SHOC2: variants seen among roughly 807,000 people sequenced by gnomAD.
SHOC2 encodes the protein SHOC2 leucine rich repeat scaffold protein, also known as leucine-rich repeat protein SHOC-2.
A neutral mutation model predicts 50.2 loss-of-function variants in SHOC2; 4 were observed. The ratio of observed to expected loss-of-function variants is 0.08; its 90% CI spans 0.04 to 0.18. The LOEUF is 0.18. Among genes scored for constraint, SHOC2 ranks in the 10% least tolerant of loss-of-function variants. The pLI is 1.00. For synonymous variants in SHOC2, 218 were observed against 244.5 expected (o/e 0.89, Z 1.01); for missense variants, 388 against 669.6 (o/e 0.58, Z 4.64).
At chr10:110,947,909 T>C (rs1262760477) in intron 1 of SHOC2, among the ~76,000 whole-genome samples, 1 of 152,168 alleles carries the variant, frequency 6.6e-6, no homozygotes. Context: ...ATGGATTAAG[T>C]TCTCTAATCA....
At chr10:110,921,767 G>A (rs1810149279) in intron 1 of SHOC2, among the ~76,000 whole-genome samples, 1 of 151,972 alleles carries the variant, frequency 6.6e-6, no homozygotes, top group African/African-American at 2.4e-5. Context: ...ATACTGGATC[G>A]TATTCATTCT....
At chr10:110,976,734 A>G (rs1847885149) in intron 2 of SHOC2, among the ~76,000 whole-genome samples, 1 of 152,172 alleles carries the variant, frequency 6.6e-6, no homozygotes, top group East Asian at 1.9e-4. Flanking sequence ...AGTTTTTGAC[A>G]AGAAGTCTGC....
chr10:110,976,722 C>G (rs1245361716), intron 2 of SHOC2, among the ~76,000 whole-genome samples: 1 of 152,120 alleles, frequency 6.6e-6, no homozygotes, highest in Non-Finnish European at 1.5e-5. Context: ...TATAGCTTGC[C>G]TAGTTTTTGA....
intron 6 of SHOC2, among the ~76,000 whole-genome samples, chr10:111,008,187 T>C (rs566392279): frequency 6.7e-6 from 1 of 148,820 alleles, no homozygotes; most frequent in Admixed American, 6.8e-5. Context: ...TCTTTTAGTA[T>C]GTTTTTCCAT....
At chr10:110,936,709 T>C (rs2134084327) in intron 1 of SHOC2, 1 of 931,018 alleles carries the variant, frequency 1.1e-6, no homozygotes, top group Non-Finnish European at 1.7e-6. Flanking sequence ...TCCGTAGGCT[T>C]ATGAGCTCTT....
At chr10:110,925,113 TA>T (rs1846740589) in intron 1 of SHOC2, among the ~76,000 whole-genome samples, 1 of 150,408 alleles carries the variant, frequency 6.6e-6, no homozygotes, top group Non-Finnish European at 1.5e-5. Context: ...AAGCAATACT[TA>T]AATGTCTTTT....
chr10:110,967,169 A>G lies in SHOC2; in HGVS notation c.703+2108A>G, dbSNP rs143629661. ...TATCTTATATCCTTACAGTAACCCA[A>G]TGAAATAGGTATTTTCCCCATGCTA... On this transcript the variant is annotated intron_variant, in intron 2 of 8. Coordinates refer to ENST00000369452, the MANE Select transcript of SHOC2 (RefSeq NM_007373.4). Among the ~76,000 whole-genome samples, 24 of 152,298 alleles carry G rather than the reference A, an allele frequency of 1.6e-4. No homozygotes were observed. In the East Asian group the frequency reaches 4.0e-3, roughly 26 times the overall value.
At chr10:110,937,037 G>C in intron 1 of SHOC2, 1 of 1,485,162 alleles carries the variant, frequency 6.7e-7, no homozygotes, top group Middle Eastern at 1.8e-4. Context: ...GCGTCGGAAA[G>C]GGTTGGTGTT....
At chr10:110,981,878 A>ATTATACTCT (rs1564721080) in intron 2 of SHOC2, among the ~76,000 whole-genome samples, 2 of 54,172 alleles carry the variant, frequency 3.7e-5, no homozygotes, top group Admixed American at 2.1e-4. Context: ...TTATTTTTTT[A>ATTATACTCT]AGTTTTAGGG....
At chr10:110,922,262 A>C (rs1846668223) in intron 1 of SHOC2, among the ~76,000 whole-genome samples, 2 of 152,086 alleles carry the variant, frequency 1.3e-5, no homozygotes, top group Non-Finnish European at 2.9e-5. Flanking sequence ...AATGTTTCCA[A>C]AGATGGCTTC....
chr10:110,950,607 A>T (rs1253448318), intron 1 of SHOC2, among the ~76,000 whole-genome samples: 3 of 152,218 alleles, frequency 2.0e-5, no homozygotes, highest in Non-Finnish European at 4.4e-5. Flanking sequence ...CGATGCCTCC[A>T]TAATTGTTCA....
At chr10:110,942,749 G>A (rs1847173453) in intron 1 of SHOC2, among the ~76,000 whole-genome samples, 1 of 152,046 alleles carries the variant, frequency 6.6e-6, no homozygotes, top group Non-Finnish European at 1.5e-5. Flanking sequence ...TTCTAATAGG[G>A]CAGGTCTGTT....
At chr10:110,967,713 A>G (rs1421717885) in intron 2 of SHOC2, among the ~76,000 whole-genome samples, 2 of 152,158 alleles carry the variant, frequency 1.3e-5, no homozygotes, top group East Asian at 1.9e-4. Flanking sequence ...TATAAATAGA[A>G]TCATATAATA....
chr10:110,993,812 T>G (rs551898082), intron 3 of SHOC2, among the ~76,000 whole-genome samples: 1 of 152,334 alleles, frequency 6.6e-6, no homozygotes, highest in Non-Finnish European at 1.5e-5. Context: ...ATTTAGAATT[T>G]GGTTCCCCTA....
At chr10:110,935,904 C>A (rs1030187517) in intron 1 of SHOC2, among the ~76,000 whole-genome samples, 11 of 151,880 alleles carry the variant, frequency 7.2e-5, no homozygotes, top group African/African-American at 2.7e-4. Context: ...AGTTTTAGAC[C>A]AATAGTTAAG....
intron 4 of SHOC2, 61 bp downstream of exon 4, chr10:111,000,606 G>A: frequency 1.4e-6 from 2 of 1,458,824 alleles, no homozygotes; most frequent in Non-Finnish European, 1.9e-6. Context: ...TTCAAGGAAA[G>A]CTAGTAAATC....
At chr10:110,924,290 A>T (rs534296305) in intron 1 of SHOC2, among the ~76,000 whole-genome samples, 3 of 152,364 alleles carry the variant, frequency 2.0e-5, no homozygotes, top group African/African-American at 7.2e-5. Context: ...ATTGTTAAAC[A>T]ATGTGACACA....
chr10:110,923,363 T>C (rs949560134), intron 1 of SHOC2, among the ~76,000 whole-genome samples: 4 of 152,098 alleles, frequency 2.6e-5, no homozygotes, highest in Non-Finnish European at 2.9e-5. Flanking sequence ...AAATATATAA[T>C]TGAATTATTT....
intron 6 of SHOC2, 59 bp from the exon 7 acceptor site, chr10:111,009,189 A>G (rs1848523532): frequency 1.6e-5 from 19 of 1,198,438 alleles, no homozygotes; most frequent in Non-Finnish European, 2.0e-5. Context: ...AAGCCACACA[A>G]TGACAGTATA....
Sources: gnomAD v4.1 joint callset for allele counts (sites outside exome capture counted in the v4.1 genomes callset) on GRCh38, gnomAD v4.1.1 for gene constraint, MANE v1.5 for transcripts, NCBI Gene and HGNC (gene_info 2026-07-23, HGNC 2026-07-21) for gene names.